Variants in MSH3 observed in about 807,000 individuals in gnomAD.
MSH3 encodes DNA mismatch repair protein Msh3.
In MSH3, 106 loss-of-function variants were observed where a neutral mutation model predicts 123.3. That is an observed-to-expected ratio of 0.86 (90% CI 0.73 to 1.01). MSH3 has a LOEUF of 1.01. MSH3 is among the 50% of genes least tolerant of loss of function. The pLI, the probability that MSH3 is intolerant of heterozygous loss-of-function variation, is 0.00. For synonymous variants in MSH3, 515 were observed against 481.4 expected (o/e 1.07, Z -0.91); for missense variants, 1,459 against 1,347.6 (o/e 1.08, Z -1.29).
intron 8 of MSH3, among the ~76,000 whole-genome samples, chr5:80,703,103 C>T (rs1750647089): frequency 6.6e-6 from 1 of 152,188 alleles, no homozygotes. Flanking sequence ...GTCATCTTCA[C>T]AACAATCCTT....
chr5:80,840,333 A>G (rs951252366), intron 20 of MSH3, among the ~76,000 whole-genome samples: 7 of 152,220 alleles, frequency 4.6e-5, no homozygotes, highest in African/African-American at 1.7e-4. Flanking sequence ...TAGGCATCCC[A>G]GTCTAAAACT....
intron 17 of MSH3, among the ~76,000 whole-genome samples, chr5:80,780,564 C>T (rs1392081117): frequency 1.3e-5 from 2 of 152,154 alleles, no homozygotes; most frequent in East Asian, 1.9e-4. Flanking sequence ...CTGTTAGTCT[C>T]TCACTTTAAA....
intron 20 of MSH3, among the ~76,000 whole-genome samples, chr5:80,844,318 G>C (rs1035985852): frequency 1.3e-5 from 2 of 151,938 alleles, no homozygotes; most frequent in African/African-American, 4.8e-5. Flanking sequence ...TTTACTTCCA[G>C]TTATGTGGTC....
intron 18 of MSH3, among the ~76,000 whole-genome samples, chr5:80,789,984 T>C (rs1316579465): frequency 6.6e-6 from 1 of 152,202 alleles, no homozygotes; most frequent in Non-Finnish European, 1.5e-5. Flanking sequence ...AGTTTAATAA[T>C]ACCAACTTTA....
intron 2 of MSH3, among the ~76,000 whole-genome samples, chr5:80,659,767 C>T (rs563554957): frequency 3.9e-5 from 6 of 152,218 alleles, no homozygotes; most frequent in African/African-American, 9.6e-5. Context: ...AACTCTGTAC[C>T]CATTAAACAC....
chr5:80,745,345 G>A (rs1290368422), intron 12 of MSH3, among the ~76,000 whole-genome samples: 1 of 152,152 alleles, frequency 6.6e-6, no homozygotes, highest in Non-Finnish European at 1.5e-5. Flanking sequence ...CTAGAACAGT[G>A]CCTGGCACTT....
intron 19 of MSH3, among the ~76,000 whole-genome samples, chr5:80,813,304 A>G (rs775411051): frequency 2.0e-5 from 3 of 152,268 alleles, no homozygotes; most frequent in Non-Finnish European, 2.9e-5. Flanking sequence ...GAATATGCAC[A>G]TAGGCAGATT....
chr5:80,671,216 A>T (rs6151639), intron 4 of MSH3, among the ~76,000 whole-genome samples: 18,883 of 152,158 alleles, frequency 0.12, 1,652 homozygotes, highest in East Asian at 0.33. Context: ...AACATTTCAT[A>T]GGCAAACTTA....
At chr5:80,707,150 C>T (rs1047229238) in intron 8 of MSH3, among the ~76,000 whole-genome samples, 3 of 152,126 alleles carry the variant, frequency 2.0e-5, no homozygotes, top group African/African-American at 7.2e-5. Flanking sequence ...TTTTTGTGTC[C>T]AGCTCGTTTT....
At chr5:80,755,423 T>C (rs1396794297) in intron 12 of MSH3, among the ~76,000 whole-genome samples, 1 of 152,152 alleles carries the variant, frequency 6.6e-6, no homozygotes, top group Admixed American at 6.6e-5. Flanking sequence ...TAAATATCTT[T>C]CCTTTTTGGC....
chr5:80,789,190 T>C (rs1435725564), intron 18 of MSH3, among the ~76,000 whole-genome samples: 3 of 152,184 alleles, frequency 2.0e-5, no homozygotes, highest in Non-Finnish European at 4.4e-5. Flanking sequence ...TATTTTAAAA[T>C]TAATGTCACA....
chr5:80,859,567 GATT>G (rs1745975167), intron 21 of MSH3, among the ~76,000 whole-genome samples: 1 of 152,128 alleles, frequency 6.6e-6, no homozygotes, highest in African/African-American at 2.4e-5. Context: ...CATTCAAAGT[GATT>G]ATTGATAGAG....
At chr5:80,776,632 G>A (rs245408) in intron 16 of MSH3, among the ~76,000 whole-genome samples, 127,219 of 151,878 alleles carry the variant, frequency 0.84, 53,318 homozygotes, top group East Asian at 1. Context: ...CTAATCTCCA[G>A]GAGAGGACTC....
intron 20 of MSH3, among the ~76,000 whole-genome samples, chr5:80,847,358 A>AT (rs752946570): frequency 0.27 from 37,961 of 141,176 alleles, 5,522 homozygotes; most frequent in African/African-American, 0.41. Flanking sequence ...CTGGCTGAAT[A>AT]TTTTTTTTTT....
intron 10 of MSH3, among the ~76,000 whole-genome samples, chr5:80,729,491 T>A (rs1416758160): frequency 6.7e-6 from 1 of 148,324 alleles, no homozygotes; most frequent in African/African-American, 2.5e-5. Flanking sequence ...AAGAATTCTG[T>A]CAAATAAATT....
chr5:80,660,094 G>A (rs1416237991), intron 2 of MSH3, among the ~76,000 whole-genome samples: 1 of 152,040 alleles, frequency 6.6e-6, no homozygotes, highest in African/African-American at 2.4e-5. Flanking sequence ...TGCTGATAAA[G>A]ACATACCAGA....
chr5:80,710,781 G>A (rs893012970), intron 8 of MSH3, among the ~76,000 whole-genome samples: 1 of 152,148 alleles, frequency 6.6e-6, no homozygotes, highest in Admixed American at 6.5e-5. Flanking sequence ...AAGGAGTTCT[G>A]TCCTTAGAAA....
chr5:80,710,343 G>C (rs750517978), intron 8 of MSH3, among the ~76,000 whole-genome samples: 6 of 152,212 alleles, frequency 3.9e-5, no homozygotes, highest in Non-Finnish European at 7.3e-5. Context: ...ACAGAAGGGA[G>C]CAGCTATTCC....
chr5:80,711,270 A>C (rs1032479166), intron 8 of MSH3, among the ~76,000 whole-genome samples: 2 of 152,098 alleles, frequency 1.3e-5, no homozygotes. Context: ...CTTGCTCCCA[A>C]ACAGGCCTCT....
Sources: allele counts gnomAD v4.1 joint callset (sites outside exome capture counted in the v4.1 genomes callset), GRCh38; gene constraint gnomAD v4.1.1; transcripts MANE v1.5; gene names NCBI Gene and HGNC (gene_info 2026-07-23, HGNC 2026-07-21).